The following GLYAT variants were observed in gnomAD, a reference collection of about 807,000 sequenced individuals.
The protein encoded by GLYAT is glycine N-acyltransferase.
A neutral mutation model predicts 22.8 loss-of-function variants in GLYAT; 25 were observed. The observed-to-expected ratio is 1.09, with a 90% CI of 0.80 to 1.53. GLYAT has a LOEUF of 1.53. Ranked by LOEUF, GLYAT falls within the 40% of genes most tolerant of loss-of-function variation. GLYAT has a pLI of 0.00. For synonymous variants in GLYAT, 140 were observed against 122.7 expected (o/e 1.14, Z -0.93); for missense variants, 411 against 353.9 (o/e 1.16, Z -1.29).
chr11:58,728,789 T>C (rs1307366611), intron 1 of GLYAT: 1 of 118,416 alleles, frequency 8.4e-6, no homozygotes, highest in East Asian at 2.4e-4. Flanking sequence ...GTTGAGAGAG[T>C]AAACAGAGAG....
intron 2 of GLYAT, among the ~76,000 whole-genome samples, chr11:58,716,639 T>G (rs1856684034): frequency 6.6e-6 from 1 of 152,142 alleles, no homozygotes. Flanking sequence ...ACTCTTATTT[T>G]TTCTCATTGT....
At chr11:58,725,292 A>G (rs559297308) in intron 1 of GLYAT, among the ~76,000 whole-genome samples, 2 of 152,284 alleles carry the variant, frequency 1.3e-5, no homozygotes, top group Admixed American at 1.3e-4. Context: ...CAAAAATAGC[A>G]TTTTTACATA....
chr11:58,723,066 GT>G (rs1261081510), intron 2 of GLYAT, among the ~76,000 whole-genome samples: 3 of 151,946 alleles, frequency 2.0e-5, no homozygotes, highest in African/African-American at 7.2e-5. Context: ...AACACCTAGA[GT>G]TTTCTCAAAA....
Position 58,709,906 on chromosome 11 carries a change from C to G in GLYAT, c.751G>C (p.Ala251Pro), listed in dbSNP as rs200165614. 1.2e-6 allele frequency: 2 copies of G among 1,614,076 alleles called. No individual in the cohort carries two copies. Residue 251 changes from alanine (A) to proline (P), a missense_variant, in exon 6 of 6, where the codon GCC becomes CCC. Physicochemically the swap from Ala to Pro is conservative, Grantham distance 27. Coordinates refer to ENST00000344743, the MANE Select transcript of GLYAT (RefSeq NM_201648.3). ...AACCCAAGTTTGCCCAATTTCTGGGCGTGGGAATAGATGACATACGTCACA... is the reference window on the plus strand; with the variant it reads ...AACCCAAGTTTGCCCAATTTCTGGGGGTGGGAATAGATGACATACGTCACA... The part of the protein sequence containing the change: ...GLVTYVIYSH[A>P]QKLGKLGFPV...
Position 58,709,064 on chromosome 11 carries a change from T to C in GLYAT, c.*702A>G, listed in dbSNP as rs1162588443. 1 of 152,170 alleles carries C rather than the reference T, an allele frequency of 6.6e-6. No homozygotes were observed. The highest frequency in any genetic ancestry group is 1.5e-5 in the Non-Finnish European group (1 of 68,044). 9.4% of individuals were successfully genotyped at this position (152,170 alleles called of 1,614,324 possible). A position where few individuals can be genotyped will look rare whatever the true frequency, so the allele number is the denominator to read the frequency against. The stretch of plus-strand genomic sequence containing the variant: ...TTAGCTTGAACAAACACAATAAAAA[T>C]TGTATACAGTCAAACACAAAACTTT... On this transcript the variant is annotated 3_prime_UTR_variant, in exon 6 of 6. Transcript: ENST00000344743.
chr11:58,712,993 G>T (rs1856635684), intron 3 of GLYAT, 107 bp from the exon 4 acceptor site: 2 of 663,590 alleles, frequency 3.0e-6, no homozygotes, highest in Non-Finnish European at 4.8e-6. Flanking sequence ...TAGTTTTATT[G>T]GTGTATCACA....
At chr11:58,710,437 G>A (rs962328386) in intron 5 of GLYAT, 153 bp downstream of exon 5, 88 of 749,518 alleles carry the variant, frequency 1.2e-4, no homozygotes, top group Non-Finnish European at 1.6e-4. Flanking sequence ...TTAAGCAGGA[G>A]AGAAACATGT....
chr11:58,730,095 T>C (rs764522296), intron 1 of GLYAT, among the ~76,000 whole-genome samples: 5 of 152,108 alleles, frequency 3.3e-5, no homozygotes, highest in African/African-American at 4.8e-5. Context: ...TGAGTAGCAT[T>C]CCCGGGCATA....
intron 2 of GLYAT, among the ~76,000 whole-genome samples, chr11:58,717,661 A>G (rs1856700662): frequency 6.6e-6 from 1 of 152,092 alleles, no homozygotes; most frequent in Non-Finnish European, 1.5e-5. Context: ...GAAAAATAAC[A>G]TTAGGCGAGA....
Position 58,708,855 on chromosome 11 carries a change from CAGCAGGAACAAA to C in GLYAT, c.*899_*910del, listed in dbSNP as rs1427834038. ...TTACCCAGTCTCAGGTATTTTGTTA[CAGCAGGAACAAA>C]CTGAGATTAGTAATGTGCTGAGGCT... On this transcript the variant is annotated 3_prime_UTR_variant, in exon 6 of 6. Transcript: ENST00000344743. 7 of 152,270 alleles carry C rather than the reference CAGCAGGAACAAA, an allele frequency of 4.6e-5. No homozygotes were observed. Among genetic ancestry groups the C allele is most frequent in the Admixed American group, 4.6e-4 (7 of 15,282 alleles). 9.4% of individuals were successfully genotyped at this position (152,270 alleles called of 1,614,324 possible).
chr11:58,719,001 G>A (rs574680504), intron 2 of GLYAT, among the ~76,000 whole-genome samples: 3 of 151,816 alleles, frequency 2.0e-5, no homozygotes, highest in Non-Finnish European at 2.9e-5. Flanking sequence ...ATTCATATTT[G>A]GCAATGCCTT....
At chr11:58,730,112 A>G (rs1856857391) in intron 1 of GLYAT, among the ~76,000 whole-genome samples, 1 of 152,204 alleles carries the variant, frequency 6.6e-6, no homozygotes, top group Non-Finnish European at 1.5e-5. Context: ...CATAAACTTC[A>G]GAATCTTTGA....
chr11:58,714,503 C>T (rs916437876), intron 3 of GLYAT, among the ~76,000 whole-genome samples: 7 of 152,090 alleles, frequency 4.6e-5, no homozygotes, highest in African/African-American at 1.2e-4. Context: ...TATAGTTTTG[C>T]TTTTCATAGT....
rs999719685 is a variant in GLYAT, at chr11:58,715,503, T to A, written c.82-80A>T. Reference sequence around the variant, plus strand: ...TTTCTTGCTTGATTAGGACAAAAATTATTTCTATAAAATCATGACATTTTA... The same window carrying A: ...TTTCTTGCTTGATTAGGACAAAAATAATTTCTATAAAATCATGACATTTTA... On this transcript the variant is annotated intron_variant, in intron 2 of 5. Transcript: ENST00000344743. The A allele has an allele frequency of 1.3e-5, 9 of 683,306 alleles. No homozygotes were observed. In the African/African-American group the frequency reaches 1.6e-4, roughly 12 times the overall value. The allele number at this position is 683,306 out of a possible 1,614,324, so 42.3% of individuals were successfully genotyped here.
intron 1 of GLYAT, chr11:58,728,692 G>C (rs1330312318): frequency 6.6e-6 from 1 of 151,784 alleles, no homozygotes; most frequent in Non-Finnish European, 1.5e-5. Context: ...TGAAGTTCAG[G>C]GATATGGAAT....
intron 1 of GLYAT, among the ~76,000 whole-genome samples, chr11:58,726,087 G>A (rs140732450): frequency 1.4e-3 from 214 of 151,652 alleles, no homozygotes; most frequent in African/African-American, 5.0e-3. Context: ...TTTTGTATTC[G>A]GAGACTGAAC....
In GLYAT at chr11:58,710,085, T is replaced by C. The variant is rs760252024; in HGVS notation, c.572A>G (p.Glu191Gly). The C allele has an allele frequency of 2.5e-6, 4 of 1,614,072 alleles. No homozygotes were observed. The South Asian group carries it at 4.4e-5, about 18-fold the overall frequency. The change falls in exon 6 of 6, where the codon GAG becomes GGG. Residue 191 changes from glutamate to glycine, a missense_variant. Glu to Gly is a moderately conservative substitution (Grantham distance 98, BLOSUM62 -2). Transcript: ENST00000344743. ...VNKFWHFGGNERSQRFIERCI... is the reference protein window; with the variant it reads ...VNKFWHFGGNGRSQRFIERCI... ...GCGCTCAATGAATCTCTGGCTCCTC[T>C]CATTACCACCAAAATGCCAGAATTT...
rs578056687 is a variant in GLYAT, at chr11:58,729,654, G to C, written c.-16+2181C>G. ...AATCACTCCACTTTCCAAAAGTATAGAGACATTAATATATTCATTCAATAA... is the reference window on the plus strand; with the variant it reads ...AATCACTCCACTTTCCAAAAGTATACAGACATTAATATATTCATTCAATAA... On this transcript the variant is annotated intron_variant, in intron 1 of 5. Transcript: ENST00000344743. 2.6e-5 allele frequency among the ~76,000 whole-genome samples: 4 copies of C among 152,168 alleles called. No homozygotes were observed. In the East Asian group the frequency reaches 5.8e-4, roughly 22 times the overall value.
chr11:58,711,286 C>T (rs569667324), intron 4 of GLYAT, among the ~76,000 whole-genome samples: 2 of 152,242 alleles, frequency 1.3e-5, no homozygotes, highest in Admixed American at 6.5e-5. Context: ...AATGTGAGGC[C>T]CTGTTCCAGC....
Sources: gnomAD v4.1 joint callset for allele counts (sites outside exome capture counted in the v4.1 genomes callset) on GRCh38, gnomAD v4.1.1 for gene constraint, MANE v1.5 for transcripts, NCBI Gene and HGNC (gene_info 2026-07-23, HGNC 2026-07-21) for gene names.